BCL11A: variants seen among roughly 807,000 people sequenced by gnomAD.
The protein encoded by BCL11A is BCL11 transcription factor A.
A neutral mutation model predicts 55.9 loss-of-function variants in BCL11A; 2 were observed. The observed-to-expected ratio is 0.04, with a 90% confidence interval of 0.01 to 0.11. BCL11A has a LOEUF of 0.11. Ranked by LOEUF, BCL11A falls within the 10% of genes least tolerant of loss-of-function variation. BCL11A has a pLI of 1.00. For missense variants in BCL11A, 817 were observed against 1,137.1 expected (o/e 0.72, Z 4.05); for synonymous variants, 465 against 473.4 (o/e 0.98, Z 0.23).
At chr2:60,507,448 A>T (rs66488669) in intron 2 of BCL11A, among the ~76,000 whole-genome samples, 1 of 145,224 alleles carries the variant, frequency 6.9e-6, no homozygotes, top group East Asian at 1.9e-4. Flanking sequence ...TACAAAGACT[A>T]TTGTGCTCTT....
chr2:60,507,017 A>C (rs1481545470), intron 2 of BCL11A, among the ~76,000 whole-genome samples: 2 of 152,104 alleles, frequency 1.3e-5, no homozygotes, highest in Non-Finnish European at 2.9e-5. Flanking sequence ...ATAAATTAGC[A>C]AACTATAAAA....
At chr2:60,476,021 TG>T (rs1677571504) in intron 2 of BCL11A, among the ~76,000 whole-genome samples, 1 of 152,142 alleles carries the variant, frequency 6.6e-6, no homozygotes, top group Non-Finnish European at 1.5e-5. Flanking sequence ...CTGGATTAGA[TG>T]GGGTGGCTTC....
Position 60,460,530 on chromosome 2 carries a change from C to T in BCL11A, c.2382G>A (p.Gln794=). 2.5e-6 allele frequency: 4 copies of T among 1,614,156 alleles called. No homozygotes were observed. The highest frequency in any genetic ancestry group is 3.4e-6 in the Non-Finnish European group (4 of 1,180,032). The change falls in exon 4 of 4, where the codon CAG becomes CAA. Residue 794 remains glutamine, a synonymous_variant. Coordinates refer to ENST00000642384, the MANE Select transcript of BCL11A (RefSeq NM_022893.4). Reference sequence around the variant, plus strand: ...CACATTTGTAAACGTCCTTCCCCACCTGGCCATGCGTTTTCATGTGCCTGG... The same window carrying T: ...CACATTTGTAAACGTCCTTCCCCACTTGGCCATGCGTTTTCATGTGCCTGG... The part of the protein sequence containing the change: ...KLTRHMKTHG[Q]VGKDVYKCEI...
intron 2 of BCL11A, among the ~76,000 whole-genome samples, chr2:60,518,601 T>C (rs566645265): frequency 6.6e-6 from 1 of 152,284 alleles, no homozygotes; most frequent in South Asian, 2.1e-4. Context: ...AGCATTGCTC[T>C]AGATCTGAGA....
rs193197726 is a variant in BCL11A, at chr2:60,511,462, G to A, written c.385+34509C>T. 3.4e-4 allele frequency among the ~76,000 whole-genome samples: 52 copies of A among 152,330 alleles called. 1 individual carries two copies. The East Asian group carries it at 8.1e-3, about 24-fold the overall frequency. On this transcript the variant is annotated intron_variant, in intron 2 of 3. Transcript: ENST00000642384. ...AACACTTAAAGATGCTATTCATGCA[G>A]ACATAAAGTGCTAATGGCCACTTGT...
rs1676151447 is a variant in BCL11A at position 60,460,125 on chromosome 2, T to C, written c.*279A>G. The C allele has an allele frequency of 1.7e-6, 2 of 1,160,754 alleles. No individual in the cohort carries two copies. The highest frequency in any genetic ancestry group is 4.3e-5 in the Admixed American group (1 of 23,146). 71.9% of individuals were successfully genotyped at this position (1,160,754 alleles called of 1,614,324 possible). A position where few individuals can be genotyped will look rare whatever the true frequency, so the allele number is the denominator to read the frequency against. On this transcript the variant is annotated 3_prime_UTR_variant, in exon 4 of 4. Coordinates refer to ENST00000642384, the MANE Select transcript of BCL11A (RefSeq NM_022893.4). Reference sequence around the variant, plus strand: ...AAAGTTTGCGTAAAATGCAATAGTATTGCCCCATACAGATCATGCATTCAA... The same window carrying C: ...AAAGTTTGCGTAAAATGCAATAGTACTGCCCCATACAGATCATGCATTCAA...
intron 2 of BCL11A, among the ~76,000 whole-genome samples, chr2:60,515,010 C>A (rs1573040231): frequency 6.6e-6 from 1 of 152,292 alleles, no homozygotes; most frequent in East Asian, 1.9e-4. Context: ...TCTGGTGAGA[C>A]AGGCTCTAGC....
At chr2:60,537,736 T>G (rs573413030) in intron 2 of BCL11A, 1 of 152,360 alleles carries the variant, frequency 6.6e-6, no homozygotes, top group Non-Finnish European at 1.5e-5. Context: ...AATATAAATT[T>G]AAATGCCCTG....
intron 2 of BCL11A, among the ~76,000 whole-genome samples, chr2:60,493,638 C>A (rs1466611916): frequency 1.3e-5 from 2 of 152,162 alleles, no homozygotes; most frequent in Non-Finnish European, 2.9e-5. Flanking sequence ...TGTTCGGAGT[C>A]CTAAGAGCCC....
chr2:60,458,205 G>A lies in BCL11A; in HGVS notation c.*2199C>T. ...AAGACCATAAATGTATTTTAGCATA[G>A]GAATCAACATGAGTGTGCATTTTCC... On this transcript the variant is annotated 3_prime_UTR_variant, in exon 4 of 4. Coordinates refer to ENST00000642384, the MANE Select transcript of BCL11A (RefSeq NM_022893.4). 9.8e-7 allele frequency: 1 copy of A among 1,023,402 alleles called. No individual in the cohort carries two copies. The highest frequency in any genetic ancestry group is 1.2e-6 in the Non-Finnish European group (1 of 852,264). The allele number at this position is 1,023,402 out of a possible 1,614,324, so 63.4% of individuals were successfully genotyped here.
intron 2 of BCL11A, among the ~76,000 whole-genome samples, chr2:60,483,093 T>C (rs937829680): frequency 6.6e-6 from 1 of 152,234 alleles, no homozygotes; most frequent in Non-Finnish European, 1.5e-5. Flanking sequence ...AATCAGGCAG[T>C]GTGATTTATA....
chr2:60,550,824 C>CG (rs1670380060), intron 1 of BCL11A: 2 of 398,838 alleles, frequency 5.0e-6, no homozygotes, highest in East Asian at 3.6e-5. Flanking sequence ...AAGGGCCTGA[C>CG]TTTCCCGAGT....
intron 2 of BCL11A, chr2:60,526,598 G>C (rs1057415126): frequency 2.0e-5 from 3 of 152,218 alleles, no homozygotes; most frequent in African/African-American, 7.2e-5. Flanking sequence ...AGCGCATTTA[G>C]ATTAGCCCAA....
chr2:60,460,850 A>G lies in BCL11A; in HGVS notation c.2062T>C (p.Ser688Pro), dbSNP rs1437526881. Reference protein sequence around the residue: ...DSRQSPFASSSEHSSENGSLR... With the variant: ...DSRQSPFASSPEHSSENGSLR... ...CTCCCGTTCTCCGAGGAGTGCTCCG[A>G]CGAGGAGGCAAAAGGCGATTGTCTG... The change falls in exon 4 of 4, where the codon TCG (serine) becomes CCG (proline). Residue 688 changes from serine (S) to proline (P), a missense_variant. Ser to Pro is a moderately conservative substitution (Grantham distance 74). Transcript: ENST00000642384. 4 of 1,612,972 alleles carry G rather than the reference A, an allele frequency of 2.5e-6. No individual in the cohort carries two copies. The highest frequency in any genetic ancestry group is 3.4e-6 in the Non-Finnish European group (4 of 1,180,002).
At chr2:60,526,222 T>C (rs1669195770) in intron 2 of BCL11A, 1 of 152,236 alleles carries the variant, frequency 6.6e-6, no homozygotes, top group Non-Finnish European at 1.5e-5. Context: ...TTTGGGATGA[T>C]GTGTTCTAGC....
chr2:60,533,244 A>G (rs1255387900), intron 2 of BCL11A: 2 of 152,202 alleles, frequency 1.3e-5, no homozygotes, highest in Admixed American at 6.5e-5. Context: ...ACATGGCAAA[A>G]CTCCTGGATA....
chr2:60,519,691 T>C (rs756758060), intron 2 of BCL11A, among the ~76,000 whole-genome samples: 16 of 152,200 alleles, frequency 1.1e-4, no homozygotes, highest in Non-Finnish European at 1.9e-4. Context: ...CTTGTAGATT[T>C]CTGAGGCCAG....
chr2:60,530,848 C>G (rs907957466), intron 2 of BCL11A, among the ~76,000 whole-genome samples: 37 of 152,280 alleles, frequency 2.4e-4, no homozygotes, highest in African/African-American at 7.2e-4. Flanking sequence ...TGAGTCTTCT[C>G]TGTTCTCCTA....
intron 2 of BCL11A, among the ~76,000 whole-genome samples, chr2:60,520,286 G>A (rs2104550427): frequency 6.6e-6 from 1 of 151,958 alleles, no homozygotes; most frequent in South Asian, 2.1e-4. Flanking sequence ...TCTTCTGCAG[G>A]TTTTGTTTAT....
Sources: allele counts gnomAD v4.1 joint callset (sites outside exome capture counted in the v4.1 genomes callset), GRCh38; gene constraint gnomAD v4.1.1; transcripts MANE v1.5; gene names NCBI Gene and HGNC (gene_info 2026-07-23, HGNC 2026-07-21).